The following PRKAR1A variants were observed in gnomAD, a reference collection of about 807,000 sequenced individuals.
The protein encoded by PRKAR1A is cAMP-dependent protein kinase type I-alpha regulatory subunit.
A neutral mutation model predicts 52.0 loss-of-function variants in PRKAR1A; 3 were observed. The observed-to-expected ratio is 0.06, with a 90% CI of 0.03 to 0.15. The LOEUF (loss-of-function observed/expected upper bound fraction) is 0.15, where lower values mean the gene tolerates loss of function less well. Ranked by LOEUF, PRKAR1A falls within the 10% of genes least tolerant of loss-of-function variation. The pLI is 1.00. For missense variants in PRKAR1A, 240 were observed against 477.4 expected (o/e 0.50, Z 4.63); for synonymous variants, 188 against 168.4 (o/e 1.12, Z -0.90).
At chr17:68,453,090 A>G in the PRKAR1A span, 2 of 912,008 alleles carry the variant, frequency 2.2e-6, no homozygotes, top group African/African-American at 3.3e-5. Flanking sequence ...TCAGGGGTAC[A>G]GTAAACAAGC....
chr17:68,551,166 G>A, exon 12 of PRKAR1A: 1 of 1,223,678 alleles, frequency 8.2e-7, no homozygotes, highest in Non-Finnish European at 1.0e-6. Context: ...CCTGTGGGCT[G>A]CAGATCCTTT....
the PRKAR1A span, among the ~76,000 whole-genome samples, chr17:68,441,757 T>A: frequency 6.6e-6 from 1 of 152,164 alleles, no homozygotes; most frequent in South Asian, 2.1e-4. Context: ...CTCTGGGGGC[T>A]AAAAATGATC....
the PRKAR1A span, among the ~76,000 whole-genome samples, chr17:68,446,753 A>G: frequency 6.6e-6 from 1 of 152,260 alleles, no homozygotes; most frequent in Non-Finnish European, 1.5e-5. Flanking sequence ...GCCTTGACAT[A>G]TGCCTCTCCT....
intron 11 of PRKAR1A, chr17:68,541,370 A>G (rs1393420904): frequency 4.3e-6 from 1 of 233,864 alleles, no homozygotes; most frequent in African/African-American, 2.3e-5. Flanking sequence ...TTCTGCCTAC[A>G]ATGCTCCGAT....
chr17:68,433,386 AAG>A, the PRKAR1A span: 4 of 1,262,716 alleles, frequency 3.2e-6, no homozygotes, highest in South Asian at 4.8e-5. Flanking sequence ...TCAGAAAGAA[AAG>A]AGATCATTCA....
At chr17:68,529,023 T>G in intron 9 of PRKAR1A, 32 bp downstream of exon 9, 9 of 1,612,936 alleles carry the variant, frequency 5.6e-6, no homozygotes, top group Non-Finnish European at 7.6e-6. Context: ...ACTTGAATTT[T>G]AGAGGTAAAG....
chr17:68,494,701 G>A, the PRKAR1A span, among the ~76,000 whole-genome samples: 14 of 152,146 alleles, frequency 9.2e-5, no homozygotes, highest in Middle Eastern at 3.4e-3. Flanking sequence ...CTTCTGTAAT[G>A]TAAGTGCCCG....
At chr17:68,526,299 T>G (rs2085788422) in intron 7 of PRKAR1A, among the ~76,000 whole-genome samples, 1 of 152,228 alleles carries the variant, frequency 6.6e-6, no homozygotes, top group African/African-American at 2.4e-5. Context: ...AATAATCAGC[T>G]TCCCTAACCT....
the PRKAR1A span, chr17:68,427,298 C>T: frequency 6.9e-7 from 1 of 1,440,986 alleles, no homozygotes; most frequent in East Asian, 2.3e-5. Context: ...AAGAAATCAT[C>T]ATATATCTAG....
intron 11 of PRKAR1A, among the ~76,000 whole-genome samples, chr17:68,547,010 CTTTT>C (rs559157360): frequency 2.0e-5 from 3 of 146,458 alleles, no homozygotes; most frequent in Non-Finnish European, 4.5e-5. Context: ...TGAAAGGAAT[CTTTT>C]TTTTTTTCTT....
intron 11 of PRKAR1A, chr17:68,541,789 G>C (rs900731332): frequency 1.1e-4 from 66 of 611,542 alleles, no homozygotes; most frequent in Admixed American, 3.9e-4. Flanking sequence ...GTATATGGAA[G>C]GTTCTTTAGA....
chr17:68,426,243 G>GC, the PRKAR1A span: 56 of 935,276 alleles, frequency 6.0e-5, no homozygotes, highest in Non-Finnish European at 8.0e-5. Context: ...CCTGGCGGGT[G>GC]GGGAGCGGGG....
chr17:68,427,408 G>A, the PRKAR1A span: 1 of 543,968 alleles, frequency 1.8e-6, no homozygotes, highest in South Asian at 2.3e-5. Context: ...CCAGGCTGGA[G>A]TGCAGTGGCG....
At chr17:68,506,596 G>A in the PRKAR1A span, among the ~76,000 whole-genome samples, 1 of 151,838 alleles carries the variant, frequency 6.6e-6, no homozygotes, top group African/African-American at 2.4e-5. Flanking sequence ...CAATTCTTCT[G>A]CCTCAGCCTT....
the PRKAR1A span, among the ~76,000 whole-genome samples, chr17:68,457,759 G>A: frequency 1.3e-5 from 2 of 151,986 alleles, no homozygotes; most frequent in Admixed American, 6.6e-5. Context: ...GGCAGCTGTG[G>A]GCGGACCCGC....
the PRKAR1A span, chr17:68,420,397 T>C: frequency 1.9e-6 from 3 of 1,614,116 alleles, no homozygotes; most frequent in African/African-American, 1.3e-5. Context: ...CAGATTACAC[T>C]CAGGACCCTT....
chr17:68,531,430 T>C lies in PRKAR1A; in HGVS notation c.*981T>C. On this transcript the variant is annotated 3_prime_UTR_variant, in exon 11 of 11. Coordinates refer to ENST00000589228, the MANE Select transcript of PRKAR1A (RefSeq NM_002734.5). The stretch of plus-strand genomic sequence containing the variant: ...CTAGATACAGATGGAGCAAATGTCC[T>C]AACAGAGAAATAGAGGTGATGCTGC... 3.8e-6 allele frequency: 4 copies of C among 1,066,084 alleles called. No homozygotes were observed. Among genetic ancestry groups the C allele is most frequent in the South Asian group, 9.1e-5 (2 of 21,984 alleles). The allele number at this position is 1,066,084 out of a possible 1,614,324, so 66.0% of individuals were successfully genotyped here.
chr17:68,539,382 G>A, intron 11 of PRKAR1A: 1 of 1,614,204 alleles, frequency 6.2e-7, no homozygotes, highest in South Asian at 1.1e-5. Flanking sequence ...TTCATCATGG[G>A]AGTGTCGTCC....
intron 2 of PRKAR1A, among the ~76,000 whole-genome samples, chr17:68,518,682 C>T (rs1294985735): frequency 2.6e-5 from 4 of 152,122 alleles, no homozygotes; most frequent in African/African-American, 9.7e-5. Context: ...CTGTGACATG[C>T]CCTGGAGACA....
Sources: gnomAD v4.1 joint callset for allele counts (sites outside exome capture counted in the v4.1 genomes callset) on GRCh38, gnomAD v4.1.1 for gene constraint, MANE v1.5 for transcripts, NCBI Gene and HGNC (gene_info 2026-07-23, HGNC 2026-07-21) for gene names.